CHD9: variants seen among roughly 807,000 people sequenced by gnomAD.
CHD9 encodes the protein ATP-dependent chromatin remodeler CHD9.
CHD9 carries 77 observed loss-of-function variants against 316.1 expected under a neutral mutation model. That is an observed-to-expected ratio of 0.24 (90% confidence interval 0.20 to 0.29). The LOEUF (loss-of-function observed/expected upper bound fraction) is 0.29, where lower values mean the gene tolerates loss of function less well. Ranked by LOEUF, CHD9 falls within the 10% of genes least tolerant of loss-of-function variation. The pLI, the probability that CHD9 is intolerant of heterozygous loss-of-function variation, is 1.00. For synonymous variants in CHD9, 1,129 were observed against 1,158.3 expected, an observed-to-expected ratio of 0.97 and a Z score of 0.51; for missense variants, 2,763 against 3,438.1, an observed-to-expected ratio of 0.80 and a Z score of 4.91.
At chr16:53,317,639 G>A (rs1253083340) in intron 36 of CHD9, among the ~76,000 whole-genome samples, 2 of 152,098 alleles carry the variant, frequency 1.3e-5, no homozygotes, top group African/African-American at 4.8e-5. Flanking sequence ...GACTGTAGGC[G>A]TACACCACCA....
chr16:53,125,356 T>C (rs1468257937), intron 1 of CHD9, among the ~76,000 whole-genome samples: 1 of 151,368 alleles, frequency 6.6e-6, no homozygotes, highest in African/African-American at 2.4e-5. Context: ...CCCGAGTAGC[T>C]GGGATTATAG....
chr16:53,175,156 G>A (rs1409292328), intron 2 of CHD9, among the ~76,000 whole-genome samples: 3 of 151,932 alleles, frequency 2.0e-5, no homozygotes, highest in Non-Finnish European at 4.4e-5. Context: ...ATCTTTTCAC[G>A]GACAATTGCT....
intron 1 of CHD9, among the ~76,000 whole-genome samples, chr16:53,088,789 G>A (rs982594377): frequency 2.0e-5 from 3 of 151,948 alleles, no homozygotes; most frequent in Non-Finnish European, 4.4e-5. Context: ...AGACCAGCCT[G>A]GGCAACATAG....
In CHD9 at chr16:53,286,281, A is replaced by G. The variant is rs1229623140; in HGVS notation, c.5127A>G (p.Arg1709=). The G allele has an allele frequency of 1.2e-6, 2 of 1,613,468 alleles. No individual in the cohort carries two copies. Residue 1709 remains arginine (R), a synonymous_variant, in exon 26 of 39, where the codon AGA becomes AGG. Coordinates refer to ENST00000447540, the MANE Select transcript of CHD9 (RefSeq NM_001308319.2). Reference sequence around the variant, plus strand: ...ACCCAGCATTATGCTTCTTGGAAAGAGTGGGAAAACCTGATGAGAAAGCAG... The same window carrying G: ...ACCCAGCATTATGCTTCTTGGAAAGGGTGGGAAAACCTGATGAGAAAGCAG... The part of the protein sequence containing the change: ...RADPALCFLE[R]VGKPDEKAVA...
intron 11 of CHD9, among the ~76,000 whole-genome samples, chr16:53,236,212 A>G (rs2048603452): frequency 6.6e-6 from 1 of 151,950 alleles, no homozygotes; most frequent in South Asian, 2.1e-4. Flanking sequence ...CCCATCTCCT[A>G]TATTGCCTGT....
chr16:53,135,692 TTATC>T (rs2039662589), intron 1 of CHD9, among the ~76,000 whole-genome samples: 1 of 152,172 alleles, frequency 6.6e-6, no homozygotes, highest in African/African-American at 2.4e-5. Flanking sequence ...AAGTCTACCT[TTATC>T]TGAATGATAA....
chr16:53,266,111 T>A (rs966422119), intron 20 of CHD9, among the ~76,000 whole-genome samples: 1 of 151,806 alleles, frequency 6.6e-6, no homozygotes, highest in Non-Finnish European at 1.5e-5. Context: ...GCAGTAATAA[T>A]TGTAGCATAC....
chr16:53,301,171 TATAGA>T (rs1410201497), intron 30 of CHD9, among the ~76,000 whole-genome samples: 6 of 152,242 alleles, frequency 3.9e-5, no homozygotes, highest in African/African-American at 1.4e-4. Context: ...TGGTGTATTT[TATAGA>T]ATATTATGTT....
intron 2 of CHD9, among the ~76,000 whole-genome samples, chr16:53,171,867 C>G (rs200869409): frequency 5.0e-3 from 239 of 47,926 alleles, no homozygotes; most frequent in African/African-American, 0.011. Context: ...CACAGACACA[C>G]ACACACACAC....
At chr16:53,320,212 A>G (rs984752885) in intron 37 of CHD9, among the ~76,000 whole-genome samples, 1 of 151,060 alleles carries the variant, frequency 6.6e-6, no homozygotes, top group African/African-American at 2.4e-5. Flanking sequence ...AAAAAAAAAA[A>G]AAAAGAAATA....
chr16:53,311,798 A>G (rs2153096636), intron 34 of CHD9: 1 of 152,334 alleles, frequency 6.6e-6, no homozygotes, highest in African/African-American at 2.4e-5. Context: ...ACATTGAGCA[A>G]GTGGCTTAAT....
intron 1 of CHD9, among the ~76,000 whole-genome samples, chr16:53,071,630 C>CTT (rs1456719000): frequency 6.6e-6 from 1 of 152,166 alleles, no homozygotes; most frequent in Non-Finnish European, 1.5e-5. Flanking sequence ...AAGCCTCAGG[C>CTT]TAGAAGACCC....
At chr16:53,292,582 T>C (rs2054432693) in intron 28 of CHD9, among the ~76,000 whole-genome samples, 2 of 152,220 alleles carry the variant, frequency 1.3e-5, no homozygotes, top group Admixed American at 6.5e-5. Flanking sequence ...GTGTGATATA[T>C]ACCTAGACAT....
chr16:53,267,196 G>T, intron 20 of CHD9, 98 bp from the exon 21 acceptor site: 1 of 706,920 alleles, frequency 1.4e-6, no homozygotes. Context: ...TTTTGTCTGT[G>T]TTTCTGTAAT....
At chr16:53,172,448 G>A (rs142282094) in intron 2 of CHD9, among the ~76,000 whole-genome samples, 131 of 152,216 alleles carry the variant, frequency 8.6e-4, no homozygotes, top group Middle Eastern at 3.4e-3. Flanking sequence ...ATGATTTCCC[G>A]TTTGGGGTTA....
intron 34 of CHD9, among the ~76,000 whole-genome samples, chr16:53,313,192 C>T (rs2056609531): frequency 6.6e-6 from 1 of 151,698 alleles, no homozygotes; most frequent in African/African-American, 2.4e-5. Context: ...AAAGAAAATA[C>T]CTTAAGTAGG....
Position 53,236,975 on chromosome 16 carries a change from C to T in CHD9, c.2634-1368C>T, listed in dbSNP as rs1311851258. ...ATATTCTATACTCCCCGTGCCTTCACGGGGAGTCCCATACTTTTAAATCTA... is the reference window on the plus strand; with the variant it reads ...ATATTCTATACTCCCCGTGCCTTCATGGGGAGTCCCATACTTTTAAATCTA... On this transcript the variant is annotated intron_variant, in intron 11 of 38. Coordinates refer to ENST00000447540, the MANE Select transcript of CHD9 (RefSeq NM_001308319.2). 4.6e-5 allele frequency among the ~76,000 whole-genome samples: 7 copies of T among 151,966 alleles called. No homozygotes were observed. The East Asian group carries it at 5.8e-4, about 13-fold the overall frequency.
chr16:53,156,040 A>C lies in CHD9; in HGVS notation c.-50A>C. On this transcript the variant is annotated 5_prime_UTR_variant, in exon 2 of 39. Coordinates refer to ENST00000447540, the MANE Select transcript of CHD9 (RefSeq NM_001308319.2). Reference sequence around the variant, plus strand: ...AATAATATCTACTATAGAGAAGCTGAATATACTCCATTTGGAGTGAACAGC... The same window carrying C: ...AATAATATCTACTATAGAGAAGCTGCATATACTCCATTTGGAGTGAACAGC... 1.3e-6 allele frequency: 2 copies of C among 1,549,958 alleles called. No individual in the cohort carries two copies. Among genetic ancestry groups the C allele is most frequent in the Non-Finnish European group, 1.7e-6 (2 of 1,147,302 alleles).
intron 1 of CHD9, among the ~76,000 whole-genome samples, chr16:53,098,491 A>G (rs1422756413): frequency 6.8e-6 from 1 of 147,374 alleles, no homozygotes; most frequent in Non-Finnish European, 1.5e-5. Flanking sequence ...AAAAAAAAAA[A>G]AGAAAGAAAG....
Sources: gnomAD v4.1 joint callset for allele counts (sites outside exome capture counted in the v4.1 genomes callset) on GRCh38, gnomAD v4.1.1 for gene constraint, MANE v1.5 for transcripts, NCBI Gene and HGNC (gene_info 2026-07-23, HGNC 2026-07-21) for gene names.